The following CDC14B variants were observed in gnomAD, a reference collection of about 807,000 sequenced individuals.
The protein encoded by CDC14B is dual specificity protein phosphatase CDC14B.
Under a neutral mutation model 64.2 loss-of-function variants are expected in CDC14B, and 22 were observed. That is an observed-to-expected ratio of 0.34 (90% CI 0.24 to 0.49). CDC14B has a LOEUF of 0.49. CDC14B is among the 20% of genes least tolerant of loss of function. CDC14B has a pLI of 0.99. For missense variants in CDC14B, 498 were observed against 629.9 expected (o/e 0.79, Z 2.24); for synonymous variants, 191 against 215.8 (o/e 0.89, Z 1.01).
chr9:96,519,720 G>C (rs995450112), intron 12 of CDC14B, among the ~76,000 whole-genome samples: 2 of 118,714 alleles, frequency 1.7e-5, no homozygotes, highest in Non-Finnish European at 3.3e-5. Flanking sequence ...AACAGAGCAA[G>C]ACTCTGTCTT....
At chr9:96,569,481 G>A (rs1042916034) in intron 1 of CDC14B, among the ~76,000 whole-genome samples, 2 of 152,210 alleles carry the variant, frequency 1.3e-5, no homozygotes, top group African/African-American at 2.4e-5. Flanking sequence ...ATTACAGGTC[G>A]GGGGAAATCA....
At chr9:96,567,766 A>G (rs907981618) in intron 1 of CDC14B, among the ~76,000 whole-genome samples, 2 of 152,324 alleles carry the variant, frequency 1.3e-5, no homozygotes, top group Non-Finnish European at 2.9e-5. Flanking sequence ...GGTGTGGGTG[A>G]CTACAGTCCA....
intron 12 of CDC14B, among the ~76,000 whole-genome samples, chr9:96,510,630 G>C (rs1291852548): frequency 6.7e-6 from 1 of 149,964 alleles, no homozygotes; most frequent in Non-Finnish European, 1.5e-5. Context: ...TTTTGAGATG[G>C]AGTCTTGCTC....
intron 1 of CDC14B, among the ~76,000 whole-genome samples, chr9:96,588,003 T>G (rs771227243): frequency 6.6e-6 from 1 of 152,142 alleles, no homozygotes; most frequent in Non-Finnish European, 1.5e-5. Context: ...TTTCAAGATT[T>G]AATTTTTTTT....
chr9:96,606,866 T>C (rs1405452600), intron 1 of CDC14B, among the ~76,000 whole-genome samples: 4 of 151,752 alleles, frequency 2.6e-5, no homozygotes, highest in African/African-American at 4.8e-5. Flanking sequence ...GTGCCTGGCC[T>C]ACTAATAATT....
chr9:96,568,896 A>C (rs1356708891), intron 1 of CDC14B, among the ~76,000 whole-genome samples: 1 of 152,010 alleles, frequency 6.6e-6, no homozygotes, highest in Non-Finnish European at 1.5e-5. Flanking sequence ...CAGCCTGGGC[A>C]ACAAGTATGA....
At position 96,515,752 on chromosome 9, in the gene CDC14B, C is replaced by G. The variant is rs768881388; in HGVS notation, c.1344-5963G>C. On this transcript the variant is annotated intron_variant, in intron 12 of 13. Coordinates refer to ENST00000375241, the MANE Select transcript of CDC14B (RefSeq NM_033331.4). This position sits in a 1 kb window ranked among gnomAD's most constrained non-coding sequence, Gnocchi z 4.3. ...TAGTCACAAACAATCCACCAGATGA[C>G]AACACTACACAGTGCAGAGGTCAGC... 6.2e-7 allele frequency: 1 copy of G among 1,606,188 alleles called. No homozygotes were observed. The highest frequency in any genetic ancestry group is 8.5e-7 in the Non-Finnish European group (1 of 1,176,832).
intron 5 of CDC14B, among the ~76,000 whole-genome samples, chr9:96,551,110 GCTT>G (rs1270603194): frequency 1.5e-5 from 1 of 65,972 alleles, no homozygotes. Context: ...TTTGGGGTTT[GCTT>G]TTTTTTTTTT....
intron 1 of CDC14B, among the ~76,000 whole-genome samples, chr9:96,580,773 G>A (rs1393048389): frequency 2.0e-5 from 3 of 152,146 alleles, no homozygotes; most frequent in Admixed American, 2.0e-4. Context: ...TTAAACCATG[G>A]CAATCATACT....
At chr9:96,561,624 GC>G (rs1214746693) in intron 4 of CDC14B, among the ~76,000 whole-genome samples, 1 of 150,348 alleles carries the variant, frequency 6.7e-6, no homozygotes, top group Non-Finnish European at 1.5e-5. Context: ...GACTACAGGC[GC>G]CCGCCACCAC....
chr9:96,536,702 G>T (rs1051207356), intron 7 of CDC14B, among the ~76,000 whole-genome samples: 3 of 152,156 alleles, frequency 2.0e-5, no homozygotes, highest in African/African-American at 7.2e-5. Context: ...AGAATTCTCT[G>T]AGGATTCAAG....
At chr9:96,574,356 T>TCC (rs1229145629) in intron 1 of CDC14B, among the ~76,000 whole-genome samples, 1 of 151,998 alleles carries the variant, frequency 6.6e-6, no homozygotes, top group Admixed American at 6.6e-5. Flanking sequence ...CAACTTGTTG[T>TCC]CCATGTTTTT....
chr9:96,591,947 G>A (rs1403382469), intron 1 of CDC14B, among the ~76,000 whole-genome samples: 1 of 152,028 alleles, frequency 6.6e-6, no homozygotes, highest in Non-Finnish European at 1.5e-5. Context: ...GGGTTTCACC[G>A]TGTTAGCCAG....
At chr9:96,528,539 A>C (rs1837940065) in intron 9 of CDC14B, among the ~76,000 whole-genome samples, 2 of 137,634 alleles carry the variant, frequency 1.5e-5, no homozygotes, top group Non-Finnish European at 2.9e-5. Context: ...AGAAAAAAAA[A>C]GAAGAAGAAG....
At chr9:96,552,726 C>T (rs542138465) in intron 4 of CDC14B, among the ~76,000 whole-genome samples, 6 of 152,244 alleles carry the variant, frequency 3.9e-5, no homozygotes, top group South Asian at 2.1e-4. Context: ...AAGTCCTCTG[C>T]CTACCCCCTA....
chr9:96,522,433 A>G, intron 12 of CDC14B, 73 bp downstream of exon 12: 1 of 974,604 alleles, frequency 1.0e-6, no homozygotes, highest in South Asian at 1.3e-5. Flanking sequence ...AAAAATGTAC[A>G]GGAAAAACCC....
At chr9:96,567,458 T>C (rs907341008) in intron 1 of CDC14B, among the ~76,000 whole-genome samples, 6 of 152,258 alleles carry the variant, frequency 3.9e-5, no homozygotes, top group Non-Finnish European at 8.8e-5. Context: ...CCGGGTCTTA[T>C]GGGAAACGGG....
intron 1 of CDC14B, chr9:96,567,172 G>T: frequency 2.8e-6 from 1 of 351,276 alleles, no homozygotes; most frequent in Non-Finnish European, 5.3e-6. Flanking sequence ...TCCGCAGAGG[G>T]GACATGCGTC....
At chr9:96,504,157 G>C (rs1422645562) in intron 13 of CDC14B, among the ~76,000 whole-genome samples, 3 of 152,168 alleles carry the variant, frequency 2.0e-5, no homozygotes, top group African/African-American at 7.2e-5. Context: ...TCCTCTGAGG[G>C]ACCAGGCTGT....
Sources: gnomAD v4.1 joint callset for allele counts (sites outside exome capture counted in the v4.1 genomes callset) on GRCh38, gnomAD v4.1.1 for gene constraint, Gnocchi (gnomAD v3.1) non-coding constraint, MANE v1.5 for transcripts, NCBI Gene and HGNC (gene_info 2026-07-23, HGNC 2026-07-21) for gene names.